Variants in PABPC4L observed in about 807,000 individuals in gnomAD.
PABPC4L encodes poly(A) binding protein cytoplasmic 4 like.
For synonymous variants in PABPC4L, 169 were observed against 164.1 expected, an observed-to-expected ratio of 1.03 and a Z score of -0.23; for missense variants, 452 against 451.4, an observed-to-expected ratio of 1.00 and a Z score of -0.01.
At chr4:134,155,404 C>G in the PABPC4L span, among the ~76,000 whole-genome samples, 1 of 73,130 alleles carries the variant, frequency 1.4e-5, no homozygotes, top group Non-Finnish European at 2.4e-5. Flanking sequence ...CATTATTTCT[C>G]TCCCAGTTCA....
At position 134,199,861 on chromosome 4, in the gene PABPC4L, C is replaced by T. The variant is rs1444541916; in HGVS notation, c.*46G>A. On this transcript the variant is annotated 3_prime_UTR_variant, in exon 2 of 2. Coordinates refer to ENST00000421491, the MANE Select transcript of PABPC4L (RefSeq NM_001114734.2). ...AATTCAGGCAGAGATCACTATCATT[C>T]TCCCACCTGCTGCAGATACTAGCTG... is the stretch of plus-strand genomic sequence containing the variant. The T allele has an allele frequency of 4.5e-6, 7 of 1,539,290 alleles. No homozygotes were observed. The highest frequency in any genetic ancestry group is 6.1e-6 in the Non-Finnish European group (7 of 1,143,046).
the PABPC4L span, among the ~76,000 whole-genome samples, chr4:134,123,345 C>T: frequency 1.3e-5 from 2 of 151,878 alleles, no homozygotes; most frequent in East Asian, 1.9e-4. Context: ...ATAAGAAGCA[C>T]ACAAATGAGA....
chr4:134,051,134 A>C, the PABPC4L span, among the ~76,000 whole-genome samples: 1 of 152,316 alleles, frequency 6.6e-6, no homozygotes, highest in African/African-American at 2.4e-5. Context: ...CAAAAATCTG[A>C]AAATGTTCTG....
chr4:134,086,053 C>A, the PABPC4L span, among the ~76,000 whole-genome samples: 1 of 152,066 alleles, frequency 6.6e-6, no homozygotes, highest in African/African-American at 2.4e-5. Flanking sequence ...TGAATCTGTA[C>A]AAACTGTCTA....
the PABPC4L span, among the ~76,000 whole-genome samples, chr4:134,161,942 G>T: frequency 1.3e-5 from 2 of 151,992 alleles, no homozygotes; most frequent in Non-Finnish European, 2.9e-5. Flanking sequence ...GAGCTTTTTA[G>T]CTTTCTCTTG....
the PABPC4L span, among the ~76,000 whole-genome samples, chr4:134,186,610 A>G: frequency 0.35 from 53,484 of 151,954 alleles, 11,975 homozygotes; most frequent in East Asian, 0.97. Flanking sequence ...CCTATGAAAT[A>G]CCATTCAGGA....
the PABPC4L span, among the ~76,000 whole-genome samples, chr4:134,113,026 C>A: frequency 6.6e-6 from 1 of 150,848 alleles, no homozygotes; most frequent in East Asian, 2.0e-4. Flanking sequence ...AGTTTAAAAA[C>A]AAAAACAAAT....
At chr4:133,985,777 A>G in the PABPC4L span, among the ~76,000 whole-genome samples, 1 of 152,062 alleles carries the variant, frequency 6.6e-6, no homozygotes, top group East Asian at 1.9e-4. Context: ...CTTGAATCCC[A>G]AAACATTGAA....
chr4:134,166,902 T>C, the PABPC4L span, among the ~76,000 whole-genome samples: 1 of 152,174 alleles, frequency 6.6e-6, no homozygotes, highest in African/African-American at 2.4e-5. Flanking sequence ...GATTCTTACC[T>C]AACCCATACC....
chr4:134,056,323 T>A, the PABPC4L span, among the ~76,000 whole-genome samples: 2 of 152,138 alleles, frequency 1.3e-5, no homozygotes, highest in Non-Finnish European at 2.9e-5. Flanking sequence ...ATTTTAGATA[T>A]TTTGCCTTTC....
the PABPC4L span, among the ~76,000 whole-genome samples, chr4:133,989,029 C>G: frequency 3.9e-5 from 6 of 152,170 alleles, no homozygotes; most frequent in African/African-American, 1.4e-4. Flanking sequence ...ATGGATGGAC[C>G]TGAAGCAACT....
At chr4:134,174,291 TA>T in the PABPC4L span, among the ~76,000 whole-genome samples, 34 of 151,068 alleles carry the variant, frequency 2.3e-4, no homozygotes, top group Middle Eastern at 3.4e-3. Context: ...CAGTTACCTT[TA>T]AAAAAAAATA....
chr4:134,147,765 TG>T, the PABPC4L span, among the ~76,000 whole-genome samples: 2 of 151,292 alleles, frequency 1.3e-5, no homozygotes, highest in Non-Finnish European at 3.0e-5. Flanking sequence ...TTGTTGTTGT[TG>T]TTGTTTTTTC....
the PABPC4L span, among the ~76,000 whole-genome samples, chr4:134,143,802 T>C: frequency 8.4e-4 from 127 of 151,592 alleles, no homozygotes; most frequent in Non-Finnish European, 1.6e-3. Context: ...TTAGTTACTT[T>C]CCTGGAATTT....
the PABPC4L span, among the ~76,000 whole-genome samples, chr4:133,989,194 T>C: frequency 6.6e-6 from 1 of 152,190 alleles, no homozygotes. Context: ...TTTTCCATGT[T>C]GTTGGTGAAT....
chr4:134,112,032 T>C, the PABPC4L span, among the ~76,000 whole-genome samples: 34,270 of 151,824 alleles, frequency 0.23, 4,382 homozygotes, highest in Admixed American at 0.27. Context: ...ATACAAGAAG[T>C]AATAAAATTG....
At chr4:134,112,689 A>G in the PABPC4L span, among the ~76,000 whole-genome samples, 2 of 151,872 alleles carry the variant, frequency 1.3e-5, no homozygotes, top group Non-Finnish European at 2.9e-5. Context: ...ATAATGGTTA[A>G]CATATATGTA....
chr4:134,107,829 T>C, the PABPC4L span, among the ~76,000 whole-genome samples: 1 of 151,612 alleles, frequency 6.6e-6, no homozygotes, highest in Non-Finnish European at 1.5e-5. Context: ...GTTTTAAATA[T>C]TCTTAACATT....
At chr4:134,122,670 T>A in the PABPC4L span, among the ~76,000 whole-genome samples, 1 of 151,856 alleles carries the variant, frequency 6.6e-6, no homozygotes, top group African/African-American at 2.4e-5. Context: ...GTTGCTATCA[T>A]TAAAAGGGAA....
Sources: gnomAD v4.1 joint callset for allele counts (sites outside exome capture counted in the v4.1 genomes callset) on GRCh38, gnomAD v4.1.1 for gene constraint, MANE v1.5 for transcripts, NCBI Gene and HGNC (gene_info 2026-07-23, HGNC 2026-07-21) for gene names.